DPYS: variants seen among roughly 807,000 people sequenced by gnomAD.
The protein encoded by DPYS is dihydropyrimidine amidohydrolase.
In DPYS, 39 loss-of-function variants were observed where a neutral mutation model predicts 50.3. That is an observed-to-expected ratio of 0.78 (90% CI 0.60 to 1.01). The LOEUF (loss-of-function observed/expected upper bound fraction) is 1.01, where lower values mean the gene tolerates loss of function less well. DPYS is among the 50% of genes least tolerant of loss of function. The probability of loss-of-function intolerance (pLI) is 0.00; values close to 1 mark genes in which losing one functional copy is unlikely to be tolerated. For synonymous variants in DPYS, 245 were observed against 250.7 expected (o/e 0.98, Z 0.22); for missense variants, 659 against 680.9 (o/e 0.97, Z 0.36).
chr8:104,436,834 A>G (rs1375219979), intron 4 of DPYS, among the ~76,000 whole-genome samples: 2 of 152,146 alleles, frequency 1.3e-5, no homozygotes, highest in African/African-American at 4.8e-5. Context: ...GTCTTTATAT[A>G]AAAATAAATA....
chr8:104,439,219 C>T (rs980851421), intron 4 of DPYS, among the ~76,000 whole-genome samples: 2 of 152,236 alleles, frequency 1.3e-5, no homozygotes, highest in African/African-American at 4.8e-5. Context: ...TCAAGTGATA[C>T]TGTCAAAAGT....
chr8:104,416,484 C>T (rs1433462309), intron 7 of DPYS, among the ~76,000 whole-genome samples: 2 of 152,146 alleles, frequency 1.3e-5, no homozygotes, highest in African/African-American at 4.8e-5. Flanking sequence ...TATTCATTTC[C>T]ACTTATGCAC....
intron 4 of DPYS, among the ~76,000 whole-genome samples, chr8:104,436,595 A>C (rs1478630590): frequency 6.6e-6 from 1 of 152,174 alleles, no homozygotes; most frequent in African/African-American, 2.4e-5. Context: ...GTGAGACTCC[A>C]TCTAAAACAA....
intron 3 of DPYS, among the ~76,000 whole-genome samples, chr8:104,445,653 A>AG (rs1292921420): frequency 1.3e-5 from 2 of 150,918 alleles, no homozygotes; most frequent in East Asian, 2.0e-4. Flanking sequence ...CGGTGGGGAG[A>AG]GGGGGGAAGG....
intron 1 of DPYS, 94 bp downstream of exon 1, chr8:104,466,563 C>T (rs979574221): frequency 1.5e-6 from 2 of 1,335,728 alleles, no homozygotes; most frequent in Non-Finnish European, 1.9e-6. Flanking sequence ...CGCCGCGCCG[C>T]GCGAGGCGGC....
At chr8:104,438,783 T>C (rs951738155) in intron 4 of DPYS, among the ~76,000 whole-genome samples, 8 of 152,134 alleles carry the variant, frequency 5.3e-5, no homozygotes, top group African/African-American at 1.9e-4. Flanking sequence ...TTCTTCAGCC[T>C]GTAGAGAAGA....
At chr8:104,458,411 G>A (rs919515133) in intron 1 of DPYS, among the ~76,000 whole-genome samples, 1 of 152,154 alleles carries the variant, frequency 6.6e-6, no homozygotes, top group Admixed American at 6.5e-5. Flanking sequence ...ATTTCAGAGA[G>A]AGACATCATT....
At chr8:104,460,728 C>T (rs560423732) in intron 1 of DPYS, among the ~76,000 whole-genome samples, 1 of 152,274 alleles carries the variant, frequency 6.6e-6, no homozygotes, top group African/African-American at 2.4e-5. Flanking sequence ...AGAACCAAAG[C>T]TTTAGTTAGC....
intron 2 of DPYS, among the ~76,000 whole-genome samples, chr8:104,449,726 G>C (rs1223567400): frequency 3.3e-5 from 5 of 152,206 alleles, no homozygotes; most frequent in African/African-American, 1.2e-4. Context: ...CAGAGATTGG[G>C]ATGATGCTTC....
intron 1 of DPYS, among the ~76,000 whole-genome samples, chr8:104,457,619 A>G (rs980171028): frequency 2.6e-5 from 4 of 152,184 alleles, no homozygotes; most frequent in African/African-American, 9.7e-5. Context: ...CCCAAGTAAA[A>G]CAAAAAGAAA....
Position 104,466,643 on chromosome 8 carries a change from G to C in DPYS, c.264+14C>G. On this transcript the variant is annotated intron_variant, in intron 1 of 9. Coordinates refer to ENST00000351513, the MANE Select transcript of DPYS (RefSeq NM_001385.3). The stretch of plus-strand genomic sequence containing the variant: ...CGTGGGTACCGCGGGGCGGGGGCGC[G>C]GCGGGGCGGGTACCTTGGTGCCCTG... 6.7e-7 allele frequency: 1 copy of C among 1,501,790 alleles called. No individual in the cohort carries two copies. Among genetic ancestry groups the C allele is most frequent in the Non-Finnish European group, 8.9e-7 (1 of 1,126,300 alleles). The allele number at this position is 1,501,790 out of a possible 1,614,324, so 93.0% of individuals were successfully genotyped here. A position where few individuals can be genotyped will look rare whatever the true frequency, so the allele number is the denominator to read the frequency against.
chr8:104,416,935 G>GC (rs1177118038), intron 7 of DPYS, among the ~76,000 whole-genome samples: 1 of 151,670 alleles, frequency 6.6e-6, no homozygotes, highest in Non-Finnish European at 1.5e-5. Flanking sequence ...CACACAAAAG[G>GC]CCCCCTCTAG....
chr8:104,439,472 A>G (rs183737347), intron 4 of DPYS, among the ~76,000 whole-genome samples: 30 of 152,334 alleles, frequency 2.0e-4, no homozygotes, highest in African/African-American at 6.3e-4. Context: ...AAAACCAATT[A>G]CAATTACAAA....
At chr8:104,446,653 C>T (rs1309966401) in intron 3 of DPYS, among the ~76,000 whole-genome samples, 1 of 152,156 alleles carries the variant, frequency 6.6e-6, no homozygotes, top group Non-Finnish European at 1.5e-5. Flanking sequence ...CTCACGCTCC[C>T]TTCTCATTAT....
intron 7 of DPYS, among the ~76,000 whole-genome samples, chr8:104,422,306 T>C (rs1011874594): frequency 1.3e-5 from 2 of 152,216 alleles, no homozygotes; most frequent in African/African-American, 4.8e-5. Flanking sequence ...AAAATGCTTT[T>C]AGTTATTGGC....
intron 9 of DPYS, chr8:104,380,887 T>C (rs969894461): frequency 1.6e-5 from 5 of 309,870 alleles, no homozygotes; most frequent in African/African-American, 1.1e-4. Flanking sequence ...TCTTAAGTAG[T>C]TCCCTCTGTA....
At chr8:104,428,225 G>T in intron 5 of DPYS, 104 bp from the exon 6 acceptor site, 1 of 1,486,220 alleles carries the variant, frequency 6.7e-7, no homozygotes, top group Non-Finnish European at 9.4e-7. Flanking sequence ...CTCAATTGAA[G>T]TCAGAAAAAT....
At chr8:104,460,168 C>G (rs144561272) in intron 1 of DPYS, among the ~76,000 whole-genome samples, 1 of 152,264 alleles carries the variant, frequency 6.6e-6, no homozygotes, top group African/African-American at 2.4e-5. Flanking sequence ...TCATGGAAAC[C>G]TTGATTTCTA....
At chr8:104,428,212 C>G in intron 5 of DPYS, 91 bp from the exon 6 acceptor site, 2 of 1,557,510 alleles carry the variant, frequency 1.3e-6, no homozygotes, top group South Asian at 2.2e-5. Flanking sequence ...TCCTGGCTCC[C>G]TTCTCAATTG....
Sources: allele counts gnomAD v4.1 joint callset (sites outside exome capture counted in the v4.1 genomes callset), GRCh38; gene constraint gnomAD v4.1.1; transcripts MANE v1.5; gene names NCBI Gene and HGNC (gene_info 2026-07-23, HGNC 2026-07-21).